The following CSMD1 variants were observed in gnomAD, a reference collection of about 807,000 sequenced individuals.
The protein encoded by CSMD1 is CUB and Sushi multiple domains 1.
A neutral mutation model predicts 417.5 loss-of-function variants in CSMD1; 213 were observed. That is an observed-to-expected ratio of 0.51 (90% confidence interval 0.46 to 0.57). The LOEUF is 0.57. Ranked by LOEUF, CSMD1 falls within the 20% of genes least tolerant of loss-of-function variation. The probability of loss-of-function intolerance (pLI) is 0.00; values close to 1 mark genes in which losing one functional copy is unlikely to be tolerated. For missense variants in CSMD1, 6,923 were observed against 4,529.7 expected (o/e 1.53, Z -15.17); for synonymous variants, 2,862 against 1,736.8 (o/e 1.65, Z -16.11).
intron 1 of CSMD1, among the ~76,000 whole-genome samples, chr8:4,720,902 C>A (rs180918590): frequency 6.6e-6 from 1 of 152,108 alleles, no homozygotes; most frequent in Non-Finnish European, 1.5e-5. Flanking sequence ...TACCTGGTGA[C>A]CTTGATCAAA....
rs147216017 is a variant in CSMD1 at position 4,129,386 on chromosome 8, C to A, written c.416-97287G>T. Among the ~76,000 whole-genome samples, 452 of 152,214 alleles carry A rather than the reference C, an allele frequency of 3.0e-3. 5 individuals are homozygous for A. The highest frequency in any genetic ancestry group is 0.01 in the African/African-American group (422 of 41,522). On this transcript the variant is annotated intron_variant, in intron 3 of 69. Transcript: ENST00000635120. ...CCAGTTTCCTTGACCACCTCCACCC[C>A]CAACACACCATGTTCTCCTTTCTTG...
At chr8:4,729,153 G>C (rs1179905525) in intron 1 of CSMD1, among the ~76,000 whole-genome samples, 2 of 152,124 alleles carry the variant, frequency 1.3e-5, no homozygotes, top group Non-Finnish European at 2.9e-5. Flanking sequence ...ACAAGGACAG[G>C]CTAATGAGAC....
At chr8:3,755,616 T>C (rs1215089665) in intron 5 of CSMD1, among the ~76,000 whole-genome samples, 1 of 152,114 alleles carries the variant, frequency 6.6e-6, no homozygotes, top group African/African-American at 2.4e-5. Flanking sequence ...GTCACCTGTG[T>C]AGAGAGCATT....
At chr8:4,387,320 A>G (rs1803517971) in intron 3 of CSMD1, among the ~76,000 whole-genome samples, 1 of 152,036 alleles carries the variant, frequency 6.6e-6, no homozygotes, top group African/African-American at 2.4e-5. Flanking sequence ...TTCCTGAAAC[A>G]ATTTACCGTA....
chr8:2,984,335 A>G (rs1006896483), intron 54 of CSMD1, among the ~76,000 whole-genome samples: 5 of 152,082 alleles, frequency 3.3e-5, no homozygotes, highest in Non-Finnish European at 7.4e-5. Context: ...CTGTGCGTTG[A>G]GGCTATTTAT....
intron 1 of CSMD1, among the ~76,000 whole-genome samples, chr8:4,660,806 G>A (rs1016043645): frequency 6.6e-6 from 1 of 151,928 alleles, no homozygotes; most frequent in Non-Finnish European, 1.5e-5. Context: ...TAGAAAATGG[G>A]CAAAATTATG....
intron 5 of CSMD1, among the ~76,000 whole-genome samples, chr8:3,790,730 C>G (rs943451665): frequency 6.6e-6 from 1 of 152,162 alleles, no homozygotes; most frequent in Non-Finnish European, 1.5e-5. Flanking sequence ...ACCCAAACTT[C>G]TCCATTTCAA....
intron 1 of CSMD1, among the ~76,000 whole-genome samples, chr8:4,735,882 C>A (rs762037565): frequency 2.0e-5 from 3 of 152,154 alleles, no homozygotes; most frequent in African/African-American, 7.2e-5. Context: ...ACATACAACA[C>A]GCTACTGCTT....
At chr8:4,459,680 G>C (rs1358025507) in intron 2 of CSMD1, among the ~76,000 whole-genome samples, 2 of 152,306 alleles carry the variant, frequency 1.3e-5, no homozygotes, top group African/African-American at 4.8e-5. Flanking sequence ...AAGAAGTGTG[G>C]ACATAAGAAT....
intron 8 of CSMD1, among the ~76,000 whole-genome samples, chr8:3,609,495 T>C (rs2117126155): frequency 6.6e-6 from 1 of 152,332 alleles, no homozygotes; most frequent in East Asian, 1.9e-4. Flanking sequence ...TTATACATAA[T>C]GATAGAATTA....
At chr8:4,134,567 G>C (rs1286936446) in intron 3 of CSMD1, among the ~76,000 whole-genome samples, 1 of 152,258 alleles carries the variant, frequency 6.6e-6, no homozygotes, top group Non-Finnish European at 1.5e-5. Flanking sequence ...ACATTGTTAT[G>C]GCAGCCCTAA....
chr8:3,446,832 A>G (rs1484051530), intron 12 of CSMD1, among the ~76,000 whole-genome samples: 4 of 152,204 alleles, frequency 2.6e-5, no homozygotes, highest in Non-Finnish European at 4.4e-5. Flanking sequence ...TCAAGTTATT[A>G]TTTTTGACTT....
intron 5 of CSMD1, among the ~76,000 whole-genome samples, chr8:3,941,935 T>G (rs1030150151): frequency 4.8e-4 from 73 of 152,270 alleles, no homozygotes; most frequent in Middle Eastern, 3.4e-3. Context: ...GTGGGCCAGC[T>G]AGCAAATCCT....
rs555614148 is a variant in CSMD1, at chr8:3,151,600, A to G, written c.5915-87T>C. The G allele has an allele frequency of 6.4e-6, 5 of 777,488 alleles. No homozygotes were observed. In the Admixed American group the frequency reaches 6.8e-5, roughly 11 times the overall value. 48.2% of individuals were successfully genotyped at this position (777,488 alleles called of 1,614,324 possible). On this transcript the variant is annotated intron_variant, in intron 39 of 69. Coordinates refer to ENST00000635120, the MANE Select transcript of CSMD1 (RefSeq NM_033225.6). ...CAACCTGCTTCACTCAACTATGCTG[A>G]GAAAGAGCAAGTCTTCGGAGTTAAT... is the stretch of plus-strand genomic sequence containing the variant.
At chr8:3,288,960 A>T (rs979748022) in intron 25 of CSMD1, among the ~76,000 whole-genome samples, 1 of 146,598 alleles carries the variant, frequency 6.8e-6, no homozygotes, top group African/African-American at 2.7e-5. Flanking sequence ...ATATCTCCTA[A>T]TGCTATCCCT....
At chr8:4,954,032 T>G (rs989753487) in intron 1 of CSMD1, among the ~76,000 whole-genome samples, 4 of 152,154 alleles carry the variant, frequency 2.6e-5, no homozygotes, top group African/African-American at 7.2e-5. Context: ...ACCCACCTGT[T>G]AAAAAGAATT....
At chr8:3,330,051 G>A (rs1585008990) in intron 23 of CSMD1, among the ~76,000 whole-genome samples, 1 of 152,172 alleles carries the variant, frequency 6.6e-6, no homozygotes, top group African/African-American at 2.4e-5. Flanking sequence ...TCAAGCCCAT[G>A]GCAGTCATGG....
At chr8:4,860,047 T>C (rs936481564) in intron 1 of CSMD1, among the ~76,000 whole-genome samples, 3 of 152,254 alleles carry the variant, frequency 2.0e-5, no homozygotes, top group Non-Finnish European at 4.4e-5. Flanking sequence ...TAAGAAAATG[T>C]GGCACGTATA....
intron 26 of CSMD1, among the ~76,000 whole-genome samples, chr8:3,232,888 A>G (rs1798923797): frequency 6.6e-6 from 1 of 151,668 alleles, no homozygotes; most frequent in Non-Finnish European, 1.5e-5. Flanking sequence ...TTCTTCTTTA[A>G]TATTTATTAT....
Sources: allele counts gnomAD v4.1 joint callset (sites outside exome capture counted in the v4.1 genomes callset), GRCh38; gene constraint gnomAD v4.1.1; transcripts MANE v1.5; gene names NCBI Gene and HGNC (gene_info 2026-07-23, HGNC 2026-07-21).